DUOXA2: variants seen among roughly 807,000 people sequenced by gnomAD.
DUOXA2 encodes dual oxidase maturation factor 2.
DUOXA2 carries 22 observed loss-of-function variants against 27.6 expected under a neutral mutation model. The observed-to-expected ratio is 0.80, with a 90% confidence interval of 0.57 to 1.14. The LOEUF is 1.14. DUOXA2 is among the 50% of genes most tolerant of loss of function. The probability of loss-of-function intolerance (pLI) is 0.00; values close to 1 mark genes in which losing one functional copy is unlikely to be tolerated. For synonymous variants in DUOXA2, 188 were observed against 184.4 expected, an observed-to-expected ratio of 1.02 and a Z score of -0.16; for missense variants, 481 against 419.9, an observed-to-expected ratio of 1.15 and a Z score of -1.27.
At chr15:45,115,654 A>T in intron 1 of DUOXA2, 145 bp from the exon 2 acceptor site, 1 of 959,826 alleles carries the variant, frequency 1.0e-6, no homozygotes, top group Non-Finnish European at 1.7e-6. Context: ...CCAGTAGCCC[A>T]GAGGGACTTG....
At chr15:45,116,919 G>A in intron 4 of DUOXA2, 172 bp from the exon 5 acceptor site, 1 of 1,052,240 alleles carries the variant, frequency 9.5e-7, no homozygotes, top group Non-Finnish European at 1.4e-6. Flanking sequence ...AGAGACTCCA[G>A]CCACCGCCTG....
rs751682142 is a variant in DUOXA2 at position 45,114,733 on chromosome 15, C to T, written c.128C>T (p.Pro43Leu). 21 of 1,614,046 alleles carry T rather than the reference C, an allele frequency of 1.3e-5. No homozygotes were observed. The highest frequency in any genetic ancestry group is 1.6e-4 in the Middle Eastern group (1 of 6,084). The change falls in exon 1 of 6, where the codon CCG becomes CTG. Residue 43 changes from proline to leucine, a missense_variant. Coordinates refer to ENST00000323030, the MANE Select transcript of DUOXA2 (RefSeq NM_207581.4). ...GCAGCAAGCTTCCTGCTCATCTTGC[C>T]GGGGATCCGTGGCCACTCGGTAAGG... is the stretch of plus-strand genomic sequence containing the variant. ...ALAASFLLIL[P>L]GIRGHSRWFW... is the part of the protein sequence containing the mutation.
rs201324818 is a variant in DUOXA2, at chr15:45,114,560, C to T, written c.-46C>T. 29 of 1,610,398 alleles carry T rather than the reference C, an allele frequency of 1.8e-5. No homozygotes were observed. In the African/African-American group the frequency reaches 3.3e-4, roughly 19 times the overall value. ...CCCGCGTCCAGGCAGCCCCAGCTTG[C>T]TGGCTTGCCTGCCCGCCTGCGTGCA... On this transcript the variant is annotated 5_prime_UTR_variant, in exon 1 of 6. Coordinates refer to ENST00000323030, the MANE Select transcript of DUOXA2 (RefSeq NM_207581.4).
chr15:45,116,258 G>A lies in DUOXA2; in HGVS notation c.340G>A (p.Gly114Arg). 1 of 1,613,908 alleles carries A rather than the reference G, an allele frequency of 6.2e-7. No individual in the cohort carries two copies. Among genetic ancestry groups the A allele is most frequent in the Non-Finnish European group, 8.5e-7 (1 of 1,179,868 alleles). The change falls in exon 3 of 6, where the codon GGG becomes AGG. Residue 114 changes from glycine (G) to arginine (R), a missense_variant and splice_region_variant. Transcript: ENST00000323030. ...GGAGGGCATTAATATTACACTCACA[G>A]GTGAGGGGGCTGGGGCTAAATGAAC... ...GLEGINITLT[G>R]TPVHQLNETI...
Position 45,116,741 on chromosome 15 carries a change from A to G in DUOXA2, c.554+12A>G. The G allele has an allele frequency of 3.7e-6, 6 of 1,612,092 alleles. No individual in the cohort carries two copies. The highest frequency in any genetic ancestry group is 5.1e-6 in the Non-Finnish European group (6 of 1,179,758). On this transcript the variant is annotated intron_variant, in intron 4 of 5. Coordinates refer to ENST00000323030, the MANE Select transcript of DUOXA2 (RefSeq NM_207581.4). ...TCGGCCACGCTATGGTAAGTGCTGG[A>G]GGGAAGGCTGTGTGCACGTGTGTGT...
intron 5 of DUOXA2, 176 bp downstream of exon 5, chr15:45,117,481 G>A (rs1035643456): frequency 1.3e-6 from 2 of 1,550,798 alleles, no homozygotes; most frequent in African/African-American, 1.4e-5. Context: ...GGGGGGCTCA[G>A]AAGGGTTTGG....
chr15:45,116,452 T>G, intron 3 of DUOXA2, 64 bp from the exon 4 acceptor site: 1 of 1,596,710 alleles, frequency 6.3e-7, no homozygotes, highest in Non-Finnish European at 8.6e-7. Flanking sequence ...CTTTCCTGTC[T>G]GAATCCGCTT....
intron 5 of DUOXA2, 150 bp from the exon 6 acceptor site, chr15:45,117,566 A>G: frequency 6.3e-7 from 1 of 1,596,128 alleles, no homozygotes; most frequent in African/African-American, 1.3e-5. Flanking sequence ...GCTCCAAAAG[A>G]TGGAAGAAGG....
Position 45,114,579 on chromosome 15 carries a change from G to C in DUOXA2, c.-27G>C. 1 of 1,612,724 alleles carries C rather than the reference G, an allele frequency of 6.2e-7. No homozygotes were observed. The highest frequency in any genetic ancestry group is 1.1e-5 in the South Asian group (1 of 91,044). On this transcript the variant is annotated 5_prime_UTR_variant, in exon 1 of 6. Coordinates refer to ENST00000323030, the MANE Select transcript of DUOXA2 (RefSeq NM_207581.4). ...AGCTTGCTGGCTTGCCTGCCCGCCT[G>C]CGTGCAGCACTCGGCCGGCGTGCAG...
chr15:45,117,249 G>A lies in DUOXA2; in HGVS notation c.713G>A (p.Gly238Asp). The change falls in exon 5 of 6, where the codon GGC becomes GAC. Residue 238 changes from glycine to aspartate, a missense_variant. Physicochemically the swap from Gly to Asp is moderately conservative, Grantham distance 94. Transcript: ENST00000323030. ...GTGCCGCTCTGCCCGCTCCGCCTAGGCTCCTCCGCGCTCACCACTCAGTAC... is the reference window on the plus strand; with the variant it reads ...GTGCCGCTCTGCCCGCTCCGCCTAGACTCCTCCGCGCTCACCACTCAGTAC... ...SSVPLCPLRL[G>D]SSALTTQYGA... is the part of the protein sequence containing the mutation. The A allele has an allele frequency of 6.2e-7, 1 of 1,609,788 alleles. No individual in the cohort carries two copies. Among genetic ancestry groups the A allele is most frequent in the Non-Finnish European group, 8.5e-7 (1 of 1,178,914 alleles).
At position 45,114,376 on chromosome 15, in the gene DUOXA2, A is replaced by G; in HGVS notation, c.-230A>G. The G allele has an allele frequency of 1.7e-6, 1 of 597,754 alleles. No homozygotes were observed. Among genetic ancestry groups the G allele is most frequent in the Non-Finnish European group, 3.0e-6 (1 of 338,096 alleles). 37.0% of individuals were successfully genotyped at this position (597,754 alleles called of 1,614,324 possible). Reference sequence around the variant, plus strand: ...GTAACGGCTACAGACAGTGAGAAATAGTTTCGCTCGCCGGCTAGAAAAACT... The same window carrying G: ...GTAACGGCTACAGACAGTGAGAAATGGTTTCGCTCGCCGGCTAGAAAAACT... On this transcript the variant is annotated 5_prime_UTR_variant, in exon 1 of 6. The change creates a new upstream start codon in the 5' untranslated region. Transcript: ENST00000323030.
rs1894606268 is a variant in DUOXA2 at position 45,115,876 on chromosome 15, C to T, written c.205+20C>T. The T allele has an allele frequency of 6.2e-7, 1 of 1,613,866 alleles. No homozygotes were observed. Among genetic ancestry groups the T allele is most frequent in the African/African-American group, 1.3e-5 (1 of 74,834 alleles). ...TTGTGGGTGAGTGTGTGGTGCAGCC[C>T]ATGGGGAGAGGACGGGGTGAGGAAG... On this transcript the variant is annotated intron_variant, in intron 2 of 5. Transcript: ENST00000323030.
At position 45,116,206 on chromosome 15, in the gene DUOXA2, A is replaced by G. The variant is rs370919563; in HGVS notation, c.288A>G (p.Thr96=). 9 of 1,613,950 alleles carry G rather than the reference A, an allele frequency of 5.6e-6. No homozygotes were observed. Among genetic ancestry groups the G allele is most frequent in the African/African-American group, 2.7e-5 (2 of 74,888 alleles). ...SYKAFSAARV[T]ARVRLLVGLE... ...AAGCCTTCAGCGCAGCGCGCGTTAC[A>G]GCCCGTGTCCGTCTGCTCGTGGGCC... Residue 96 remains threonine (T), a synonymous_variant, in exon 3 of 6, where the codon ACA becomes ACG. Coordinates refer to ENST00000323030, the MANE Select transcript of DUOXA2 (RefSeq NM_207581.4).
chr15:45,114,445 C>A lies in DUOXA2; in HGVS notation c.-161C>A. ...GAGCGTTGAGAGCAGCCCACCTCCA[C>A]GCTTCCTTAACGGAGAGGTGCAGGA... is the stretch of plus-strand genomic sequence containing the variant. On this transcript the variant is annotated 5_prime_UTR_variant, in exon 1 of 6. Transcript: ENST00000323030. 1 of 940,212 alleles carries A rather than the reference C, an allele frequency of 1.1e-6. No homozygotes were observed. Among genetic ancestry groups the A allele is most frequent in the Non-Finnish European group, 1.6e-6 (1 of 621,284 alleles). The allele number at this position is 940,212 out of a possible 1,614,324, so 58.2% of individuals were successfully genotyped here.
chr15:45,116,810 G>A (rs1275976857), intron 4 of DUOXA2, 81 bp downstream of exon 4: 4 of 1,523,618 alleles, frequency 2.6e-6, no homozygotes, highest in Non-Finnish European at 3.6e-6. Context: ...GCAGGCCTCG[G>A]AGGCGCTGAG....
Position 45,115,808 on chromosome 15 carries a change from T to C in DUOXA2, c.157T>C (p.Trp53Arg). ...PGIRGHSRWF[W>R]LVRVLLSLFI... ...GTGCCTATTCCTGCAGCGCTGGTTT[T>C]GGTTGGTGAGAGTTCTTCTCAGTCT... The change falls in exon 2 of 6, where the codon TGG becomes CGG. Residue 53 changes from tryptophan (W) to arginine (R), a missense_variant. Physicochemically the swap from Trp to Arg is moderately radical, Grantham distance 101. Transcript: ENST00000323030. The C allele has an allele frequency of 8.7e-6, 14 of 1,614,080 alleles. No homozygotes were observed. Among genetic ancestry groups the C allele is most frequent in the Non-Finnish European group, 1.2e-5 (14 of 1,180,004 alleles).
chr15:45,117,295 G>T lies in DUOXA2; in HGVS notation c.759G>T (p.Thr253=). 6.3e-7 allele frequency: 1 copy of T among 1,595,822 alleles called. No individual in the cohort carries two copies. Among genetic ancestry groups the T allele is most frequent in the Non-Finnish European group, 8.6e-7 (1 of 1,168,958 alleles). The stretch of plus-strand genomic sequence containing the variant: ...AGTACGGCGCCGCCTTCTGGGTCAC[G>T]CTGGCAACCGGTGAGGACCGAGAGA... ...TTQYGAAFWV[T]LATGVLCLFL... Residue 253 remains threonine, a synonymous_variant, in exon 5 of 6, where the codon ACG becomes ACT. Transcript: ENST00000323030.
intron 1 of DUOXA2, chr15:45,115,511 G>A: frequency 1.6e-6 from 1 of 608,162 alleles, no homozygotes; most frequent in Non-Finnish European, 3.1e-6. Context: ...ACCAGGACCA[G>A]GCGCCAGACA....
In DUOXA2 at chr15:45,117,268, T is replaced by G; in HGVS notation, c.732T>G (p.Thr244=). The G allele has an allele frequency of 6.2e-7, 1 of 1,607,470 alleles. No homozygotes were observed. The highest frequency in any genetic ancestry group is 8.5e-7 in the Non-Finnish European group (1 of 1,177,018). ...GCCTAGGCTCCTCCGCGCTCACCAC[T>G]CAGTACGGCGCCGCCTTCTGGGTCA... ...PLRLGSSALT[T]QYGAAFWVTL... The change falls in exon 5 of 6, where the codon ACT becomes ACG. Residue 244 remains threonine, a synonymous_variant. Coordinates refer to ENST00000323030, the MANE Select transcript of DUOXA2 (RefSeq NM_207581.4).
Sources: gnomAD v4.1 joint callset for allele counts on GRCh38, gnomAD v4.1.1 for gene constraint, MANE v1.5 for transcripts, NCBI Gene and HGNC (gene_info 2026-07-23, HGNC 2026-07-21) for gene names.